NTN5: variants seen among roughly 807,000 people sequenced by gnomAD.
NTN5 encodes the protein netrin-5.
NTN5 carries 42 observed loss-of-function variants against 38.7 expected under a neutral mutation model. That is an observed-to-expected ratio of 1.08 (90% CI 0.85 to 1.40). The LOEUF (loss-of-function observed/expected upper bound fraction) is 1.40. Ranked by LOEUF, NTN5 falls within the 40% of genes most tolerant of loss-of-function variation. The pLI is 0.00. For missense variants in NTN5, 658 were observed against 716.5 expected (o/e 0.92, Z 0.93); for synonymous variants, 329 against 303.9 (o/e 1.08, Z -0.86).
chr19:48,669,390 C>T (rs1465305228), intron 2 of NTN5, among the ~76,000 whole-genome samples: 1 of 27,494 alleles, frequency 3.6e-5, no homozygotes, highest in Admixed American at 3.3e-4. Flanking sequence ...ATCACCACCA[C>T]CATCACCACC....
intron 2 of NTN5, among the ~76,000 whole-genome samples, chr19:48,667,117 G>A (rs1214483463): frequency 5.3e-5 from 8 of 152,092 alleles, no homozygotes; most frequent in Non-Finnish European, 1.0e-4. Context: ...GGGTTTTTGT[G>A]GGCATTCAAA....
chr19:48,663,169 C>T, intron 6 of NTN5: 1 of 539,110 alleles, frequency 1.9e-6, no homozygotes, highest in South Asian at 1.5e-5. Flanking sequence ...TCCACTCAAC[C>T]AGTTCCCCTA....
At position 48,669,906 on chromosome 19, in the gene NTN5, C is replaced by CACCACTACCAT. The variant is rs1568452701; in HGVS notation, c.631+449_631+450insATGGTAGTGGT. On this transcript the variant is annotated intron_variant, in intron 2 of 6. Coordinates refer to ENST00000270235, the MANE Select transcript of NTN5 (RefSeq NM_145807.4). ...ACCATCACCATCACCACCACCATCACCACCACCACCATCACCATCATCACC... is the reference window on the plus strand; with the variant it reads ...ACCATCACCATCACCACCACCATCACACCACTACCATCACCACCACCATCACCATCATCACC... Among the ~76,000 whole-genome samples the CACCACTACCAT allele has an allele frequency of 1.3e-4, 15 of 113,076 alleles. 1 individual carries two copies. In the East Asian group the frequency reaches 3.6e-3, roughly 27 times the overall value. The allele number at this position is 113,076 out of a possible 152,430, so 74.2% of individuals were successfully genotyped here.
chr19:48,665,821 A>G (rs75561819), intron 2 of NTN5, among the ~76,000 whole-genome samples: 1 of 145,718 alleles, frequency 6.9e-6, no homozygotes, highest in Non-Finnish European at 1.5e-5. Context: ...TCCATCTCAG[A>G]AAAAAAAAAA....
intron 2 of NTN5, among the ~76,000 whole-genome samples, chr19:48,669,046 C>CCACCAT (rs2031783357): frequency 1.4e-5 from 2 of 146,162 alleles, no homozygotes; most frequent in South Asian, 2.2e-4. Flanking sequence ...ATCATCACCA[C>CCACCAT]CACCATCACC....
intron 2 of NTN5, 95 bp from the exon 3 acceptor site, chr19:48,664,862 G>T: frequency 9.2e-7 from 1 of 1,092,134 alleles, no homozygotes; most frequent in Non-Finnish European, 1.2e-6. Flanking sequence ...ATGAAAGGAA[G>T]CCGTGAGTGT....
At chr19:48,671,467 C>G (rs966767419) in intron 1 of NTN5, among the ~76,000 whole-genome samples, 2 of 151,900 alleles carry the variant, frequency 1.3e-5, no homozygotes, top group African/African-American at 4.8e-5. Context: ...GGGAGGCGCT[C>G]GGCACAGAGA....
intron 2 of NTN5, among the ~76,000 whole-genome samples, chr19:48,669,749 C>T (rs1398615508): frequency 8.0e-6 from 1 of 125,082 alleles, no homozygotes; most frequent in Non-Finnish European, 1.7e-5. Flanking sequence ...TCACCACCAC[C>T]ATCACCATCG....
intron 6 of NTN5, 68 bp downstream of exon 6, chr19:48,663,395 G>T: frequency 7.5e-7 from 1 of 1,334,574 alleles, no homozygotes; most frequent in Non-Finnish European, 1.1e-6. Flanking sequence ...GCCAGAAAGG[G>T]GGTGGCTTAG....
chr19:48,667,462 TG>T, intron 2 of NTN5: 1 of 321,908 alleles, frequency 3.1e-6, no homozygotes, highest in Non-Finnish European at 6.4e-6. Flanking sequence ...TCCTCAGGCC[TG>T]GTGAGTCTCA....
rs762965422 is a variant in NTN5 at position 48,664,297 on chromosome 19, A to G, written c.821-5T>C. ...CAATAGGGTGGCACTGGCAGGCTACATGAGCAGAGGAGCTGGGGGCATGGG... is the reference window on the plus strand; with the variant it reads ...CAATAGGGTGGCACTGGCAGGCTACGTGAGCAGAGGAGCTGGGGGCATGGG... On this transcript the variant is annotated splice_region_variant and splice_polypyrimidine_tract_variant and intron_variant, in intron 3 of 6. Transcript: ENST00000270235. 1.2e-6 allele frequency: 2 copies of G among 1,612,250 alleles called. No individual in the cohort carries two copies. Among genetic ancestry groups the G allele is most frequent in the South Asian group, 2.2e-5 (2 of 90,680 alleles).
intron 2 of NTN5, among the ~76,000 whole-genome samples, chr19:48,667,894 G>A (rs892074196): frequency 6.6e-6 from 1 of 152,110 alleles, no homozygotes; most frequent in Non-Finnish European, 1.5e-5. Flanking sequence ...GGGAGGCAAA[G>A]CGCATGGGAG....
Position 48,662,120 on chromosome 19 carries a change from G to C in NTN5, c.1106-79C>G, listed in dbSNP as rs1319451599. 8.4e-6 allele frequency: 11 copies of C among 1,303,582 alleles called. No individual in the cohort carries two copies. The African/African-American group carries it at 1.6e-4, about 19-fold the overall frequency. 80.8% of individuals were successfully genotyped at this position (1,303,582 alleles called of 1,614,324 possible). On this transcript the variant is annotated intron_variant, in intron 6 of 6. Transcript: ENST00000270235. ...TGGGTCCCGTGGGGTCAGTCACAGT[G>C]GGCAGGAGCCCGAGACCGGTGGGTG... is the stretch of plus-strand genomic sequence containing the variant.
chr19:48,667,176 C>T (rs2031727357), intron 2 of NTN5, among the ~76,000 whole-genome samples: 1 of 152,198 alleles, frequency 6.6e-6, no homozygotes, highest in Non-Finnish European at 1.5e-5. Flanking sequence ...GTTTTGGATT[C>T]TTTCTGACCC....
At chr19:48,671,133 G>A (rs1283628909) in intron 1 of NTN5, 127 bp from the exon 2 acceptor site, 2 of 617,126 alleles carry the variant, frequency 3.2e-6, no homozygotes, top group Non-Finnish European at 5.3e-6. Flanking sequence ...CTGCATGGAA[G>A]CGAGGAAAAT....
intron 3 of NTN5, 77 bp downstream of exon 3, chr19:48,664,502 C>T: frequency 6.9e-7 from 1 of 1,440,094 alleles, no homozygotes; most frequent in Non-Finnish European, 9.3e-7. Flanking sequence ...ATCCAGGCCC[C>T]CAGCCCCTCC....
intron 6 of NTN5, chr19:48,663,150 A>G (rs1329549142): frequency 5.9e-6 from 3 of 506,878 alleles, no homozygotes; most frequent in African/African-American, 5.8e-5. Flanking sequence ...GGACAGGGCA[A>G]GAGTTCATTC....
At chr19:48,669,742 C>CCACCACCATCACCACCACCAT (rs2031870684) in intron 2 of NTN5, among the ~76,000 whole-genome samples, 1 of 115,196 alleles carries the variant, frequency 8.7e-6, no homozygotes, top group Non-Finnish European at 1.8e-5. Context: ...ATCACCATCA[C>CCACCACCATCACCACCACCAT]CACCACCATC....
chr19:48,668,312 C>T (rs1601209409), intron 2 of NTN5, among the ~76,000 whole-genome samples: 3 of 152,274 alleles, frequency 2.0e-5, no homozygotes, highest in Non-Finnish European at 2.9e-5. Context: ...CTCAGGAAGC[C>T]GTTCCTTTGT....
Sources: gnomAD v4.1 joint callset for allele counts (sites outside exome capture counted in the v4.1 genomes callset) on GRCh38, gnomAD v4.1.1 for gene constraint, MANE v1.5 for transcripts, NCBI Gene and HGNC (gene_info 2026-07-23, HGNC 2026-07-21) for gene names.